Variants in ANKRD42 observed in about 807,000 individuals in gnomAD.
The protein encoded by ANKRD42 is ankyrin repeat domain-containing protein 42.
Under a neutral mutation model 51.5 loss-of-function variants are expected in ANKRD42, and 43 were observed. The ratio of observed to expected loss-of-function variants is 0.83; its 90% confidence interval spans 0.65 to 1.08. ANKRD42 has a LOEUF of 1.08. Among genes scored for constraint, ANKRD42 ranks in the 50% least tolerant of loss-of-function variants. ANKRD42 has a pLI of 0.00. For missense variants in ANKRD42, 608 were observed against 629.3 expected (o/e 0.97, Z 0.36); for synonymous variants, 203 against 213.0 (o/e 0.95, Z 0.41).
chr11:83,224,867 C>A lies in ANKRD42; in HGVS notation c.599C>A (p.Ala200Asp). Reference protein sequence around the residue: ...YNGNLPVHLAAMEGHLHCFKF... With the variant: ...YNGNLPVHLADMEGHLHCFKF... ...TCCTTTCCTCTAGTTCACTTAGCAG[C>A]CATGGAAGGCCACCTTCACTGTTTC... The change falls in exon 6 of 11, where the codon GCC (alanine) becomes GAC (aspartate). Residue 200 changes from alanine (A) to aspartate (D), a missense_variant. Ala to Asp is a moderately radical substitution (Grantham distance 126). Coordinates refer to ENST00000533342, the MANE Select transcript of ANKRD42 (RefSeq NM_001300975.2). 6.3e-7 allele frequency: 1 copy of A among 1,598,978 alleles called. No individual in the cohort carries two copies. Among genetic ancestry groups the A allele is most frequent in the Non-Finnish European group, 8.5e-7 (1 of 1,171,192 alleles).
chr11:83,257,498 C>A (rs959456672), downstream of ANKRD42: 1 of 357,288 alleles, frequency 2.8e-6, no homozygotes, highest in Non-Finnish European at 5.5e-6. Flanking sequence ...AGATTTGTGC[C>A]AAGCCCTTAA....
intron 7 of ANKRD42, among the ~76,000 whole-genome samples, chr11:83,229,923 G>T (rs1863016815): frequency 6.6e-6 from 1 of 152,098 alleles, no homozygotes; most frequent in Non-Finnish European, 1.5e-5. Flanking sequence ...TACAGACATG[G>T]AATGTGAAAT....
intron 5 of ANKRD42, among the ~76,000 whole-genome samples, chr11:83,221,177 C>G (rs1238602184): frequency 6.6e-6 from 1 of 151,938 alleles, no homozygotes; most frequent in African/African-American, 2.4e-5. Flanking sequence ...TTGAGAGCCT[C>G]TAATGAATTT....
chr11:83,228,231 C>CTTTTT lies in ANKRD42; in HGVS notation c.913+393_913+397dup, dbSNP rs11403803. 2.0e-3 allele frequency among the ~76,000 whole-genome samples: 117 copies of CTTTTT among 59,002 alleles called. 22 individuals are homozygous for CTTTTT. Among genetic ancestry groups the CTTTTT allele is most frequent in the Middle Eastern group, 0.012 (1 of 86 alleles). The allele number at this position is 59,002 out of a possible 152,430, so 38.7% of individuals were successfully genotyped here. A position where few individuals can be genotyped will look rare whatever the true frequency, so the allele number is the denominator to read the frequency against. On this transcript the variant is annotated intron_variant, in intron 7 of 10. Coordinates refer to ENST00000533342, the MANE Select transcript of ANKRD42 (RefSeq NM_001300975.2). ...AAATAGAAATCATCCCTCTCTCTCT[C>CTTTTT]TTTTTTTTTTTTTTTTTTTTTTTTT...
intron 2 of ANKRD42, among the ~76,000 whole-genome samples, chr11:83,200,301 C>G (rs988478060): frequency 4.2e-4 from 61 of 145,648 alleles, no homozygotes; most frequent in African/African-American, 1.4e-3. Context: ...TACAGTTTCT[C>G]CAGTCAGTCT....
At chr11:83,237,075 T>A (rs1863245532) in intron 8 of ANKRD42, among the ~76,000 whole-genome samples, 5 of 152,258 alleles carry the variant, frequency 3.3e-5, no homozygotes, top group Admixed American at 6.5e-5. Context: ...TGGTTGTTCT[T>A]TCATTCAGCT....
intron 7 of ANKRD42, among the ~76,000 whole-genome samples, chr11:83,235,029 G>A (rs1479756485): frequency 1.3e-5 from 2 of 152,174 alleles, no homozygotes; most frequent in Admixed American, 6.5e-5. Flanking sequence ...AACACCCAAA[G>A]TTCCTGCTCT....
chr11:83,240,731 C>T (rs768770583), intron 8 of ANKRD42, 28 bp from the exon 9 acceptor site: 30 of 1,611,244 alleles, frequency 1.9e-5, no homozygotes, highest in Non-Finnish European at 2.5e-5. Flanking sequence ...GATTGTGGAT[C>T]TGGTTAGTTA....
At chr11:83,227,714 G>A (rs1862932267) in intron 6 of ANKRD42, 33 bp from the exon 7 acceptor site, 5 of 1,588,240 alleles carry the variant, frequency 3.1e-6, no homozygotes, top group Non-Finnish European at 4.3e-6. Context: ...AAACTCTTAT[G>A]TTTATTGAAA....
At chr11:83,249,011 T>A, downstream of ANKRD42, 2 of 980,596 alleles carry the variant, frequency 2.0e-6, no homozygotes, top group Non-Finnish European at 2.4e-6. Flanking sequence ...TCTTGTACGA[T>A]CTTTAGCACA....
rs1863233402 is a variant in ANKRD42 at position 83,236,635 on chromosome 11, G to A, written c.1019+126G>A. On this transcript the variant is annotated intron_variant, in intron 8 of 10. Coordinates refer to ENST00000533342, the MANE Select transcript of ANKRD42 (RefSeq NM_001300975.2). ...GGACTCAATCAAATACAGATGGAAT[G>A]ACAATTTTCAAGCTGAATTGACAGC... 9.2e-6 allele frequency: 6 copies of A among 652,244 alleles called. No homozygotes were observed. In the South Asian group the frequency reaches 1.6e-4, roughly 18 times the overall value. 40.4% of individuals were successfully genotyped at this position (652,244 alleles called of 1,614,324 possible). A position where few individuals can be genotyped will look rare whatever the true frequency, so the allele number is the denominator to read the frequency against.
At chr11:83,243,967 CTTTT>C (rs66756456) in intron 9 of ANKRD42, among the ~76,000 whole-genome samples, 780 of 66,860 alleles carry the variant, frequency 0.012, no homozygotes, top group African/African-American at 0.042. Context: ...CCTGGCTGCC[CTTTT>C]TTTTTTTTTT....
intron 5 of ANKRD42, among the ~76,000 whole-genome samples, chr11:83,221,773 T>G (rs1422033003): frequency 6.6e-6 from 1 of 152,204 alleles, no homozygotes; most frequent in African/African-American, 2.4e-5. Context: ...AGTATGGTGA[T>G]GCTGAACAGC....
At chr11:83,230,626 G>A (rs748449276) in intron 7 of ANKRD42, among the ~76,000 whole-genome samples, 10 of 151,446 alleles carry the variant, frequency 6.6e-5, no homozygotes. Context: ...TCACTCGGTC[G>A]CCCAGGCTGG....
intron 10 of ANKRD42, among the ~76,000 whole-genome samples, chr11:83,246,741 G>A (rs1258547212): frequency 1.3e-5 from 2 of 152,106 alleles, no homozygotes; most frequent in Non-Finnish European, 2.9e-5. Flanking sequence ...TTCTGAAAGA[G>A]GTCTGCTAAC....
intron 2 of ANKRD42, among the ~76,000 whole-genome samples, chr11:83,202,343 G>A (rs1019716455): frequency 1.3e-5 from 2 of 152,138 alleles, no homozygotes; most frequent in African/African-American, 2.4e-5. Context: ...TGTTCCATTG[G>A]TCTATTTATC....
chr11:83,201,625 TAA>T (rs1000461109), intron 2 of ANKRD42, among the ~76,000 whole-genome samples: 15 of 152,358 alleles, frequency 9.8e-5, no homozygotes, highest in African/African-American at 3.4e-4. Flanking sequence ...ACCAACAGTG[TAA>T]AAGAGTTCCT....
chr11:83,240,259 T>G (rs956777476), intron 8 of ANKRD42, among the ~76,000 whole-genome samples: 1 of 152,202 alleles, frequency 6.6e-6, no homozygotes, highest in Non-Finnish European at 1.5e-5. Flanking sequence ...AGGTCATTAT[T>G]TTTTCATTAA....
In ANKRD42 at chr11:83,219,109, A is replaced by G. The variant is rs975770448; in HGVS notation, c.587-5746A>G. 7.2e-5 allele frequency among the ~76,000 whole-genome samples: 11 copies of G among 152,318 alleles called. No homozygotes were observed. The South Asian group carries it at 2.1e-3, about 29-fold the overall frequency. ...GTGGTGCTCATCCGGAATTTTAAACAGAGGGATGTCTGCACCTCTGGTTAG... is the reference window on the plus strand; with the variant it reads ...GTGGTGCTCATCCGGAATTTTAAACGGAGGGATGTCTGCACCTCTGGTTAG... On this transcript the variant is annotated intron_variant, in intron 5 of 10. Coordinates refer to ENST00000533342, the MANE Select transcript of ANKRD42 (RefSeq NM_001300975.2).
Sources: allele counts gnomAD v4.1 joint callset (sites outside exome capture counted in the v4.1 genomes callset), GRCh38; gene constraint gnomAD v4.1.1; transcripts MANE v1.5; gene names NCBI Gene and HGNC (gene_info 2026-07-23, HGNC 2026-07-21).